ANKRD36B: variants seen among roughly 807,000 people sequenced by gnomAD.
ANKRD36B encodes the protein ankyrin repeat domain-containing protein 36B.
In ANKRD36B, 37 loss-of-function variants were observed where a neutral mutation model predicts 135.7. The ratio of observed to expected loss-of-function variants is 0.27; its 90% CI spans 0.21 to 0.36. ANKRD36B has a LOEUF of 0.36. Ranked by LOEUF, ANKRD36B falls within the 10% of genes least tolerant of loss-of-function variation. The pLI is 1.00. For missense variants in ANKRD36B, 549 were observed against 1,037.1 expected (o/e 0.53, Z 6.46); for synonymous variants, 179 against 348.1 (o/e 0.51, Z 5.41).
intron 5 of ANKRD36B, 74 bp downstream of exon 5, chr2:97,578,832 A>G: frequency 6.4e-7 from 1 of 1,555,784 alleles, no homozygotes; most frequent in Admixed American, 1.8e-5. Flanking sequence ...CTCACCTGAT[A>G]TATAAGATGC....
At chr2:97,494,727 T>C (rs1336748012) in intron 43 of ANKRD36B, among the ~76,000 whole-genome samples, 7 of 87,982 alleles carry the variant, frequency 8.0e-5, no homozygotes, top group Admixed American at 6.0e-4. Context: ...CTTTGGGCTT[T>C]CTGGATCAGG....
Position 97,551,500 on chromosome 2 carries a change from C to T in ANKRD36B, c.1274-20G>A, listed in dbSNP as rs1177301207. ...AAGACACTGAAAAGCAAAAGGGATA[C>T]ATAATCACTCATATGTAACTATGAC... On this transcript the variant is annotated intron_variant, in intron 16 of 43. Coordinates refer to ENST00000359901, the MANE Select transcript of ANKRD36B (RefSeq NM_001393939.1). The T allele has an allele frequency of 1.9e-6, 3 of 1,607,166 alleles. No homozygotes were observed. Among genetic ancestry groups the T allele is most frequent in the Non-Finnish European group, 2.5e-6 (3 of 1,178,488 alleles).
At position 97,547,542 on chromosome 2, in the gene ANKRD36B, T is replaced by A. The variant is rs530013507; in HGVS notation, c.1573A>T (p.Arg525Trp). Residue 525 changes from arginine (R) to tryptophan (W), a missense_variant, in exon 22 of 44, where the codon AGG becomes TGG. Arg to Trp is a moderately radical substitution (Grantham distance 101, BLOSUM62 -3). Transcript: ENST00000359901. The stretch of plus-strand genomic sequence containing the variant: ...AATCTCTTTTCAAAATTACCTCTCC[T>A]AGTTTTTTCTCCATCTTTTTTTCCT... The part of the protein sequence containing the change: ...ARGKKDGEKT[R>W]RVSSHKQPSL... The A allele has an allele frequency of 3.9e-6, 6 of 1,541,928 alleles. No homozygotes were observed. Among genetic ancestry groups the A allele is most frequent in the East Asian group, 2.3e-5 (1 of 43,512 alleles).
intron 34 of ANKRD36B, among the ~76,000 whole-genome samples, chr2:97,533,258 T>G (rs1262967085): frequency 1.0e-5 from 1 of 97,764 alleles, no homozygotes; most frequent in Non-Finnish European, 2.7e-5. Context: ...ACAGGTTTTA[T>G]AACATATGTA....
intron 24 of ANKRD36B, among the ~76,000 whole-genome samples, 192 bp downstream of exon 24, chr2:97,545,474 A>T (rs1485004409): frequency 1.0e-5 from 1 of 95,654 alleles, no homozygotes; most frequent in South Asian, 2.4e-4. Flanking sequence ...CAGACATCTA[A>T]AATCTTAGTA....
rs566610036 is a variant in ANKRD36B, at chr2:97,579,076, A to G, written c.558-33T>C. On this transcript the variant is annotated intron_variant, in intron 4 of 43. Coordinates refer to ENST00000359901, the MANE Select transcript of ANKRD36B (RefSeq NM_001393939.1). ...AACAGAGAGGTAATTAAAAACTTTA[A>G]TGACATTTTAAAAGCTAAGTTTATA... 2.4e-5 allele frequency: 38 copies of G among 1,556,634 alleles called. No homozygotes were observed. In the South Asian group the frequency reaches 4.5e-4, roughly 18 times the overall value.
chr2:97,547,015 T>G (rs1457154762), intron 22 of ANKRD36B, among the ~76,000 whole-genome samples: 1 of 151,712 alleles, frequency 6.6e-6, no homozygotes, highest in Non-Finnish European at 1.5e-5. Context: ...CACTCAGGTT[T>G]CCTCAGAAGA....
In ANKRD36B at chr2:97,547,504, G is replaced by A. The variant is rs1377538629; in HGVS notation, c.1579+32C>T. The A allele has an allele frequency of 3.9e-6, 6 of 1,530,504 alleles. No individual in the cohort carries two copies. In the South Asian group the frequency reaches 7.0e-5, roughly 18 times the overall value. 94.8% of individuals were successfully genotyped at this position (1,530,504 alleles called of 1,614,324 possible). On this transcript the variant is annotated intron_variant, in intron 22 of 43. Coordinates refer to ENST00000359901, the MANE Select transcript of ANKRD36B (RefSeq NM_001393939.1). Reference sequence around the variant, plus strand: ...AGAGAATTTCTTATCTACCCGGACTGAACATGACATTAAATCTCTTTTCAA... The same window carrying A: ...AGAGAATTTCTTATCTACCCGGACTAAACATGACATTAAATCTCTTTTCAA...
rs2078900126 is a variant in ANKRD36B, at chr2:97,536,530, A to T, written c.2090-34T>A. 2 of 851,850 alleles carry T rather than the reference A, an allele frequency of 2.3e-6. 1 individual carries two copies. The highest frequency in any genetic ancestry group is 3.5e-5 in the African/African-American group (2 of 56,908). The allele number at this position is 851,850 out of a possible 1,614,324, so 52.8% of individuals were successfully genotyped here. A position where few individuals can be genotyped will look rare whatever the true frequency, so the allele number is the denominator to read the frequency against. On this transcript the variant is annotated intron_variant, in intron 32 of 43. Coordinates refer to ENST00000359901, the MANE Select transcript of ANKRD36B (RefSeq NM_001393939.1). ...CAAGAGAAATATATAATCATATGTA[A>T]ATATGGTAAGGCCAACCATACATTC...
At chr2:97,577,990 C>CT (rs1254759656) in intron 5 of ANKRD36B, among the ~76,000 whole-genome samples, 1 of 151,814 alleles carries the variant, frequency 6.6e-6, no homozygotes, top group Non-Finnish European at 1.5e-5. Context: ...TTGAATATCT[C>CT]TGACAGTTTA....
At chr2:97,566,502 A>C (rs1196467276) in intron 6 of ANKRD36B, among the ~76,000 whole-genome samples, 1 of 152,186 alleles carries the variant, frequency 6.6e-6, no homozygotes, top group Non-Finnish European at 1.5e-5. Context: ...TAATGAATTA[A>C]GAACTCTTAT....
intron 14 of ANKRD36B, among the ~76,000 whole-genome samples, chr2:97,554,291 A>G (rs2922578): frequency 2.1e-4 from 32 of 150,008 alleles, no homozygotes; most frequent in African/African-American, 5.8e-4. Flanking sequence ...TATTTTATCC[A>G]TGAGATAGCT....
intron 16 of ANKRD36B, among the ~76,000 whole-genome samples, chr2:97,552,803 A>T (rs1425896245): frequency 6.6e-6 from 1 of 151,892 alleles, no homozygotes; most frequent in Non-Finnish European, 1.5e-5. Flanking sequence ...TCGCAGTACG[A>T]TGTGACGTCT....
In ANKRD36B at chr2:97,532,463, C is replaced by T. The variant is rs1281015004; in HGVS notation, c.2192-79G>A. On this transcript the variant is annotated intron_variant, in intron 34 of 43. Coordinates refer to ENST00000359901, the MANE Select transcript of ANKRD36B (RefSeq NM_001393939.1). ...AGCCATGGTCAGCGGTGGCTCACGC[C>T]TGTAATCCCAGCACTTTGGGAGGCT... The T allele has an allele frequency of 2.2e-5, 11 of 497,946 alleles. 1 individual carries two copies. In the East Asian group the frequency reaches 3.7e-4, roughly 17 times the overall value. The allele number at this position is 497,946 out of a possible 1,614,324, so 30.8% of individuals were successfully genotyped here.
intron 1 of ANKRD36B, among the ~76,000 whole-genome samples, chr2:97,586,443 A>T (rs1448663854): frequency 6.6e-6 from 1 of 151,498 alleles, no homozygotes; most frequent in African/African-American, 2.4e-5. Context: ...ACTGGGATTC[A>T]GTCCTAATGC....
chr2:97,530,427 C>T (rs1219605416), intron 35 of ANKRD36B, among the ~76,000 whole-genome samples: 9 of 94,448 alleles, frequency 9.5e-5, no homozygotes, highest in African/African-American at 2.9e-4. Flanking sequence ...AAGGCTTAAA[C>T]GTTAGACCTA....
chr2:97,565,420 C>T (rs2081355139), intron 6 of ANKRD36B, among the ~76,000 whole-genome samples: 1 of 152,084 alleles, frequency 6.6e-6, no homozygotes, highest in Admixed American at 6.6e-5. Context: ...AGGCAACCTA[C>T]AGAATGGGAG....
In ANKRD36B at chr2:97,541,769, C is replaced by T. The variant is rs3731925; in HGVS notation, c.1885+142G>A. The T allele has an allele frequency of 2.6e-4, 196 of 755,328 alleles. 56 individuals are homozygous for T. The highest frequency in any genetic ancestry group is 7.7e-4 in the East Asian group (27 of 35,010). The allele number at this position is 755,328 out of a possible 1,614,324, so 46.8% of individuals were successfully genotyped here. A position where few individuals can be genotyped will look rare whatever the true frequency, so the allele number is the denominator to read the frequency against. ...AAGGACCAGCACCATCAGGGTCACC[C>T]GAGGACTTATTACAAATGAAGAATC... is the stretch of plus-strand genomic sequence containing the variant. On this transcript the variant is annotated intron_variant, in intron 28 of 43. Coordinates refer to ENST00000359901, the MANE Select transcript of ANKRD36B (RefSeq NM_001393939.1).
chr2:97,569,359 G>A (rs2081663858), intron 6 of ANKRD36B, among the ~76,000 whole-genome samples: 1 of 152,154 alleles, frequency 6.6e-6, no homozygotes, highest in Non-Finnish European at 1.5e-5. Context: ...ATATGACTAT[G>A]CTGGACATAT....
Sources: gnomAD v4.1 joint callset for allele counts (sites outside exome capture counted in the v4.1 genomes callset) on GRCh38, gnomAD v4.1.1 for gene constraint, MANE v1.5 for transcripts, NCBI Gene and HGNC (gene_info 2026-07-23, HGNC 2026-07-21) for gene names.